NTAN1: variants seen among roughly 807,000 people sequenced by gnomAD.
NTAN1 encodes protein N-terminal asparagine amidohydrolase.
Under a neutral mutation model 41.9 loss-of-function variants are expected in NTAN1, and 32 were observed. The ratio of observed to expected loss-of-function variants is 0.76; its 90% CI spans 0.58 to 1.03. The LOEUF (loss-of-function observed/expected upper bound fraction) is 1.03. Ranked by LOEUF, NTAN1 falls within the 50% of genes least tolerant of loss-of-function variation. The pLI is 0.00. For synonymous variants in NTAN1, 140 were observed against 139.5 expected (o/e 1.00, Z -0.03); for missense variants, 377 against 377.5 (o/e 1.00, Z 0.01).
intron 7 of NTAN1, 168 bp from the exon 8 acceptor site, chr16:15,040,234 C>G (rs1266750493): frequency 2.3e-6 from 1 of 440,010 alleles, no homozygotes; most frequent in East Asian, 3.5e-5. Flanking sequence ...GCAACCTTTA[C>G]CCCAAGCATC....
intron 4 of NTAN1, chr16:15,044,762 T>C: frequency 4.2e-6 from 1 of 239,494 alleles, no homozygotes; most frequent in Non-Finnish European, 8.1e-6. Flanking sequence ...GGTGGGCGGA[T>C]CACTTGAGGT....
At chr16:15,051,269 C>A (rs1046537302) in intron 1 of NTAN1, among the ~76,000 whole-genome samples, 25 of 152,256 alleles carry the variant, frequency 1.6e-4, no homozygotes, top group Non-Finnish European at 7.3e-5. Context: ...TTCAACACAG[C>A]TCCTACGATT....
intron 8 of NTAN1, among the ~76,000 whole-genome samples, 167 bp downstream of exon 8, chr16:15,039,791 CATTACTATTTT>C (rs2043726415): frequency 6.6e-6 from 1 of 152,140 alleles, no homozygotes; most frequent in Non-Finnish European, 1.5e-5. Flanking sequence ...TAAAGATGTT[CATTACTATTTT>C]GAGACAGCAA....
Position 15,039,883 on chromosome 16 carries a change from C to CT in NTAN1, c.639+85dup, listed in dbSNP as rs1304748114. 3.9e-6 allele frequency: 3 copies of CT among 761,104 alleles called. No homozygotes were observed. In the East Asian group the frequency reaches 7.4e-5, roughly 19 times the overall value. The allele number at this position is 761,104 out of a possible 1,614,324, so 47.1% of individuals were successfully genotyped here. A position where few individuals can be genotyped will look rare whatever the true frequency, so the allele number is the denominator to read the frequency against. On this transcript the variant is annotated intron_variant, in intron 8 of 9. Coordinates refer to ENST00000287706, the MANE Select transcript of NTAN1 (RefSeq NM_173474.4). ...GCTATAAAGAAGCTGACAGCATAAACTTTTCTAAGATCCCAAAAACTTAAG... is the reference window on the plus strand; with the variant it reads ...GCTATAAAGAAGCTGACAGCATAAACTTTTTCTAAGATCCCAAAAACTTAAG...
Position 15,047,845 on chromosome 16 carries a change from CTCA to C in NTAN1, c.250+7_250+9del. 1.2e-6 allele frequency: 2 copies of C among 1,607,644 alleles called. No homozygotes were observed. Among genetic ancestry groups the C allele is most frequent in the Non-Finnish European group, 1.7e-6 (2 of 1,174,068 alleles). The stretch of plus-strand genomic sequence containing the variant: ...TTAAGTAATGGTTTCCTTCACCTCT[CTCA>C]TCATACCTGTGTGCCTCAGGACCAC... On this transcript the variant is annotated splice_region_variant and intron_variant, in intron 3 of 9. Coordinates refer to ENST00000287706, the MANE Select transcript of NTAN1 (RefSeq NM_173474.4).
rs1177529898 is a variant in NTAN1 at position 15,041,660 on chromosome 16, T to C, written c.450A>G (p.Gln150=). Residue 150 remains glutamine, a synonymous_variant, in exon 6 of 10, where the codon CAA becomes CAG. Coordinates refer to ENST00000287706, the MANE Select transcript of NTAN1 (RefSeq NM_173474.4). The part of the protein sequence containing the change: ...THQLLSEFDR[Q]EDDIHLVTLC... ...ATGTCACTAAGTGAATGTCATCTTCTTGCCTGTCAAATTCACCTATGATGA... is the reference window on the plus strand; with the variant it reads ...ATGTCACTAAGTGAATGTCATCTTCCTGCCTGTCAAATTCACCTATGATGA... 2 of 1,611,212 alleles carry C rather than the reference T, an allele frequency of 1.2e-6. No individual in the cohort carries two copies. The highest frequency in any genetic ancestry group is 2.7e-5 in the African/African-American group (2 of 74,888).
intron 1 of NTAN1, among the ~76,000 whole-genome samples, chr16:15,055,038 A>C (rs890308575): frequency 6.6e-6 from 1 of 152,082 alleles, no homozygotes; most frequent in Admixed American, 6.6e-5. Context: ...TCTAGACTAT[A>C]AACACTCCGA....
intron 1 of NTAN1, among the ~76,000 whole-genome samples, chr16:15,051,633 C>T (rs540580054): frequency 1.1e-4 from 17 of 152,206 alleles, no homozygotes; most frequent in African/African-American, 2.4e-4. Flanking sequence ...CACAGGCGCA[C>T]GCCACCACAC....
At chr16:15,055,353 A>G (rs565788621) in intron 1 of NTAN1, among the ~76,000 whole-genome samples, 1 of 152,322 alleles carries the variant, frequency 6.6e-6, no homozygotes, top group Non-Finnish European at 1.5e-5. Flanking sequence ...TCTCCCGGCT[A>G]AAAATAACTC....
intron 1 of NTAN1, among the ~76,000 whole-genome samples, chr16:15,051,003 G>C (rs903866916): frequency 1.3e-5 from 2 of 152,202 alleles, no homozygotes; most frequent in Non-Finnish European, 2.9e-5. Flanking sequence ...CACCTGTACA[G>C]GTGACAGCCT....
intron 2 of NTAN1, 27 bp downstream of exon 2, chr16:15,047,970 C>T (rs778482602): frequency 1.5e-5 from 24 of 1,600,144 alleles, no homozygotes; most frequent in African/African-American, 2.7e-5. Flanking sequence ...TTTGGGATAA[C>T]GCCCAATTCA....
In NTAN1 at chr16:15,040,270, C is replaced by T. The variant is rs1299731209; in HGVS notation, c.542-204G>A. 10 of 435,154 alleles carry T rather than the reference C, an allele frequency of 2.3e-5. No homozygotes were observed. In the East Asian group the frequency reaches 3.6e-4, roughly 16 times the overall value. 27.0% of individuals were successfully genotyped at this position (435,154 alleles called of 1,614,324 possible). ...TCGGTGAAAATCGCTGAGGCTCGAG[C>T]TGGACTCGGTGAGATTTTGTTCTAA... On this transcript the variant is annotated intron_variant, in intron 7 of 9. Coordinates refer to ENST00000287706, the MANE Select transcript of NTAN1 (RefSeq NM_173474.4).
Position 15,040,950 on chromosome 16 carries a change from G to T in NTAN1, c.541+118C>A, listed in dbSNP as rs568793972. 7 of 746,238 alleles carry T rather than the reference G, an allele frequency of 9.4e-6. No homozygotes were observed. The Admixed American group carries it at 1.4e-4, about 15-fold the overall frequency. The allele number at this position is 746,238 out of a possible 1,614,324, so 46.2% of individuals were successfully genotyped here. A position where few individuals can be genotyped will look rare whatever the true frequency, so the allele number is the denominator to read the frequency against. On this transcript the variant is annotated intron_variant, in intron 7 of 9. Coordinates refer to ENST00000287706, the MANE Select transcript of NTAN1 (RefSeq NM_173474.4). ...CTCACAGCAGATGTTCGGAGTAGCT[G>T]GGATCTGAACCCAAAGCTGTCCCAT... is the stretch of plus-strand genomic sequence containing the variant.
At chr16:15,046,809 A>G (rs2151712062) in intron 4 of NTAN1, among the ~76,000 whole-genome samples, 1 of 151,802 alleles carries the variant, frequency 6.6e-6, no homozygotes, top group Non-Finnish European at 1.5e-5. Flanking sequence ...CACAAAGTCA[A>G]GGCTGCAGTA....
rs1376721875 is a variant in NTAN1 at position 15,038,172 on chromosome 16, A to C, written c.792T>G (p.Phe264Leu). Reference sequence around the variant, plus strand: ...TCAAGGTAGATCTAATATGTTCAACAAAGTGGGGTGGCTCAGCCAGAGGCG... The same window carrying C: ...TCAAGGTAGATCTAATATGTTCAACCAAGTGGGGTGGCTCAGCCAGAGGCG... ...STSPLAEPPH[F>L]VEHIRSTLMF... The change falls in exon 10 of 10, where the codon TTT becomes TTG. Residue 264 changes from phenylalanine to leucine, a missense_variant. Physicochemically the swap from Phe to Leu is conservative, Grantham distance 22. Transcript: ENST00000287706. 7 of 1,613,522 alleles carry C rather than the reference A, an allele frequency of 4.3e-6. No individual in the cohort carries two copies. The highest frequency in any genetic ancestry group is 5.9e-6 in the Non-Finnish European group (7 of 1,179,864).
At chr16:15,047,126 A>G (rs2044104783) in intron 4 of NTAN1, 3 of 379,366 alleles carry the variant, frequency 7.9e-6, no homozygotes, top group Non-Finnish European at 1.5e-5. Flanking sequence ...GAATGACTGC[A>G]TGGAGAGCTA....
At chr16:15,043,917 C>CCA (rs1483499971) in intron 5 of NTAN1, among the ~76,000 whole-genome samples, 1 of 151,654 alleles carries the variant, frequency 6.6e-6, no homozygotes, top group Non-Finnish European at 1.5e-5. Flanking sequence ...TACTGCACTC[C>CCA]AACTTGGGCA....
intron 6 of NTAN1, among the ~76,000 whole-genome samples, 167 bp downstream of exon 6, chr16:15,041,456 A>G (rs1276953663): frequency 3.3e-5 from 5 of 152,068 alleles, no homozygotes; most frequent in African/African-American, 4.8e-5. Context: ...CAGATGGTGG[A>G]CGAGGGCAAG....
chr16:15,041,589 A>T (rs781559830), intron 6 of NTAN1, 34 bp downstream of exon 6: 2 of 1,522,590 alleles, frequency 1.3e-6, no homozygotes, highest in South Asian at 2.2e-5. Flanking sequence ...CCTGAGACCC[A>T]CATCTTTGCT....
Sources: allele counts gnomAD v4.1 joint callset (sites outside exome capture counted in the v4.1 genomes callset), GRCh38; gene constraint gnomAD v4.1.1; transcripts MANE v1.5; gene names NCBI Gene and HGNC (gene_info 2026-07-23, HGNC 2026-07-21).